Variants in LHFPL3 observed in about 807,000 individuals in gnomAD.
LHFPL3 encodes the protein LHFPL tetraspan subfamily member 3.
A neutral mutation model predicts 19.3 loss-of-function variants in LHFPL3; 5 were observed. The observed-to-expected ratio is 0.26, with a 90% CI of 0.14 to 0.54. The LOEUF is 0.54. Among genes scored for constraint, LHFPL3 ranks in the 20% least tolerant of loss-of-function variants. The pLI is 0.94. For synonymous variants in LHFPL3, 133 were observed against 126.2 expected, an observed-to-expected ratio of 1.05 and a Z score of -0.36; for missense variants, 249 against 307.4, an observed-to-expected ratio of 0.81 and a Z score of 1.42.
chr7:104,424,859 G>A (rs1468028332), intron 1 of LHFPL3, among the ~76,000 whole-genome samples: 1 of 151,996 alleles, frequency 6.6e-6, no homozygotes, highest in Non-Finnish European at 1.5e-5. Context: ...GTGGGCACCT[G>A]TAGTCCCAGT....
chr7:104,802,635 G>C (rs900674861), intron 2 of LHFPL3, among the ~76,000 whole-genome samples: 2 of 151,954 alleles, frequency 1.3e-5, no homozygotes, highest in African/African-American at 4.8e-5. Flanking sequence ...GACTTCCCAG[G>C]CTCTAAAATT....
chr7:104,527,323 G>A (rs369430800), intron 1 of LHFPL3, among the ~76,000 whole-genome samples: 32 of 152,168 alleles, frequency 2.1e-4, no homozygotes, highest in African/African-American at 7.2e-4. Context: ...CTATAAGATC[G>A]CCCAGGTTTC....
At chr7:104,492,412 A>G (rs975288824) in intron 1 of LHFPL3, among the ~76,000 whole-genome samples, 2 of 152,230 alleles carry the variant, frequency 1.3e-5, no homozygotes, top group East Asian at 3.8e-4. Context: ...CAAGCTGGTT[A>G]TCTCTCGAAT....
chr7:104,588,633 G>GT (rs1462682565), intron 1 of LHFPL3, among the ~76,000 whole-genome samples: 1 of 152,162 alleles, frequency 6.6e-6, no homozygotes, highest in East Asian at 1.9e-4. Flanking sequence ...CTTTAAAGTA[G>GT]TTTTTTCCAA....
chr7:104,555,314 G>A (rs528530286), intron 1 of LHFPL3, among the ~76,000 whole-genome samples: 12 of 152,232 alleles, frequency 7.9e-5, no homozygotes, highest in Admixed American at 3.9e-4. Context: ...GTATTAGTCC[G>A]TTTTCACACT....
At chr7:104,843,574 T>C (rs4730055) in intron 2 of LHFPL3, among the ~76,000 whole-genome samples, 151,572 of 152,356 alleles carry the variant, frequency 0.99, 75,399 homozygotes, top group Middle Eastern at 1. Flanking sequence ...TATAATCAAT[T>C]GAGTCACTTC....
intron 1 of LHFPL3, among the ~76,000 whole-genome samples, chr7:104,452,071 G>A (rs1173336774): frequency 6.6e-6 from 1 of 152,030 alleles, no homozygotes; most frequent in Non-Finnish European, 1.5e-5. Context: ...ATATGGTCAA[G>A]TTCAGTAAAA....
chr7:104,535,525 A>T (rs1357608285), intron 1 of LHFPL3, among the ~76,000 whole-genome samples: 1 of 151,878 alleles, frequency 6.6e-6, no homozygotes, highest in Non-Finnish European at 1.5e-5. Context: ...ACTCATACAC[A>T]CCCTCCCCAC....
At chr7:104,413,947 G>T (rs937277677) in intron 1 of LHFPL3, among the ~76,000 whole-genome samples, 1 of 151,906 alleles carries the variant, frequency 6.6e-6, no homozygotes, top group Non-Finnish European at 1.5e-5. Flanking sequence ...TTTATTTTCA[G>T]CAAAAAAGGT....
chr7:104,813,231 T>C (rs1375727257), intron 2 of LHFPL3, among the ~76,000 whole-genome samples: 1 of 152,058 alleles, frequency 6.6e-6, no homozygotes, highest in Admixed American at 6.5e-5. Context: ...TGAGACATGA[T>C]GGCACCACTG....
chr7:104,814,177 G>T (rs1225953361), intron 2 of LHFPL3, among the ~76,000 whole-genome samples: 1 of 152,062 alleles, frequency 6.6e-6, no homozygotes, highest in East Asian at 1.9e-4. Flanking sequence ...GCTCCTCTCT[G>T]CTAGGCAAGT....
At chr7:104,374,265 C>A (rs1214554122) in intron 1 of LHFPL3, among the ~76,000 whole-genome samples, 1 of 150,270 alleles carries the variant, frequency 6.7e-6, no homozygotes, top group Non-Finnish European at 1.5e-5. Context: ...TTTTTTAAGA[C>A]AGAATCTTGC....
chr7:104,668,210 G>C, intron 1 of LHFPL3: 1 of 1,613,522 alleles, frequency 6.2e-7, no homozygotes, highest in Non-Finnish European at 8.5e-7. Flanking sequence ...TCAGTGCCCT[G>C]AGTCTCAATG....
intron 1 of LHFPL3, among the ~76,000 whole-genome samples, chr7:104,709,409 T>A (rs1217471270): frequency 1.7e-5 from 2 of 114,328 alleles, no homozygotes; most frequent in African/African-American, 2.8e-5. Flanking sequence ...CCCTGGGTAC[T>A]TGAGATTAGG....
At chr7:104,409,852 C>G (rs1303083993) in intron 1 of LHFPL3, among the ~76,000 whole-genome samples, 2 of 151,984 alleles carry the variant, frequency 1.3e-5, no homozygotes, top group East Asian at 3.9e-4. Flanking sequence ...TGTTACAGAT[C>G]AACAGATTTC....
At chr7:104,732,715 T>C (rs1464051188) in intron 1 of LHFPL3, among the ~76,000 whole-genome samples, 1 of 152,202 alleles carries the variant, frequency 6.6e-6, no homozygotes, top group Non-Finnish European at 1.5e-5. Context: ...TTTTTATGTC[T>C]CTATCTCCTT....
chr7:104,820,665 T>C (rs1212785695), intron 2 of LHFPL3, among the ~76,000 whole-genome samples: 20 of 152,054 alleles, frequency 1.3e-4, no homozygotes, highest in Non-Finnish European at 2.9e-5. Context: ...CATTTCTCCC[T>C]CCAATCAAGC....
chr7:104,743,019 G>A (rs750241717), intron 2 of LHFPL3, among the ~76,000 whole-genome samples: 26 of 152,204 alleles, frequency 1.7e-4, no homozygotes, highest in Non-Finnish European at 3.2e-4. Flanking sequence ...TACTCAGGAC[G>A]CTGAGGCAGG....
intron 2 of LHFPL3, among the ~76,000 whole-genome samples, chr7:104,817,725 C>A (rs1790589904): frequency 6.6e-6 from 1 of 152,126 alleles, no homozygotes; most frequent in Admixed American, 6.5e-5. Flanking sequence ...TCAGACAGTA[C>A]TACTTCACTG....
Sources: allele counts gnomAD v4.1 joint callset (sites outside exome capture counted in the v4.1 genomes callset), GRCh38; gene constraint gnomAD v4.1.1; transcripts MANE v1.5; gene names NCBI Gene and HGNC (gene_info 2026-07-23, HGNC 2026-07-21).